PDE4B: variants seen among roughly 807,000 people sequenced by gnomAD.
PDE4B encodes phosphodiesterase 4B, also known as 3',5'-cyclic-AMP phosphodiesterase 4B.
PDE4B carries 20 observed loss-of-function variants against 82.2 expected under a neutral mutation model. That is an observed-to-expected ratio of 0.24 (90% CI 0.17 to 0.35). The LOEUF (loss-of-function observed/expected upper bound fraction) is 0.35. PDE4B is among the 10% of genes least tolerant of loss of function. The pLI, the probability that PDE4B is intolerant of heterozygous loss-of-function variation, is 1.00. For synonymous variants in PDE4B, 320 were observed against 318.9 expected, an observed-to-expected ratio of 1.00 and a Z score of -0.04; for missense variants, 655 against 907.2, an observed-to-expected ratio of 0.72 and a Z score of 3.57.
At chr1:66,164,346 C>T (rs1444446832) in intron 3 of PDE4B, among the ~76,000 whole-genome samples, 1 of 151,644 alleles carries the variant, frequency 6.6e-6, no homozygotes, top group Non-Finnish European at 1.5e-5. Context: ...ACCAGCCTGG[C>T]CAACATGGTG....
intron 3 of PDE4B, among the ~76,000 whole-genome samples, chr1:66,213,350 T>G (rs1214280423): frequency 6.6e-6 from 1 of 152,170 alleles, no homozygotes; most frequent in African/African-American, 2.4e-5. Flanking sequence ...AAAATCCTTT[T>G]CAAGATTTAC....
At chr1:66,330,395 G>T (rs1194161439) in intron 7 of PDE4B, among the ~76,000 whole-genome samples, 2 of 152,154 alleles carry the variant, frequency 1.3e-5, no homozygotes, top group Non-Finnish European at 2.9e-5. Flanking sequence ...ACTTCTGCGG[G>T]TATAATTACT....
At chr1:65,795,141 G>A (rs914979583) in intron 1 of PDE4B, among the ~76,000 whole-genome samples, 1 of 152,104 alleles carries the variant, frequency 6.6e-6, no homozygotes, top group African/African-American at 2.4e-5. Flanking sequence ...ACAAATAAAG[G>A]CTTGTTTGAT....
intron 1 of PDE4B, among the ~76,000 whole-genome samples, chr1:65,883,299 T>C (rs6659548): frequency 0.45 from 68,172 of 151,930 alleles, 15,591 homozygotes; most frequent in Non-Finnish European, 0.49. Flanking sequence ...CATGGAATGT[T>C]CTTCCATTTG....
rs542849328 is a variant in PDE4B, at chr1:66,142,272, C to T, written c.282-105188C>T. 5.9e-4 allele frequency among the ~76,000 whole-genome samples: 90 copies of T among 152,118 alleles called. 1 individual carries two copies. The South Asian group carries it at 0.018, about 31-fold the overall frequency. On this transcript the variant is annotated intron_variant, in intron 3 of 16. Transcript: ENST00000341517. ...GGACCTGTATGCTTTAAACCTGTAT[C>T]GTTCATGGGTCAACTTTAATTCTAC...
intron 1 of PDE4B, among the ~76,000 whole-genome samples, chr1:65,850,202 T>G (rs1239881468): frequency 2.0e-5 from 3 of 149,450 alleles, no homozygotes; most frequent in Admixed American, 6.8e-5. Flanking sequence ...GTTCAAGTGA[T>G]TCTCCTGCCT....
chr1:65,838,003 C>G (rs537220150), intron 1 of PDE4B, among the ~76,000 whole-genome samples: 18 of 152,152 alleles, frequency 1.2e-4, no homozygotes, highest in Non-Finnish European at 2.5e-4. Context: ...CTGTAGTGTA[C>G]TTTTGCAGTA....
chr1:66,197,780 C>T (rs1429726134), intron 3 of PDE4B, among the ~76,000 whole-genome samples: 1 of 152,012 alleles, frequency 6.6e-6, no homozygotes, highest in African/African-American at 2.4e-5. Flanking sequence ...TTTAGAATAC[C>T]TAATAATCTG....
intron 3 of PDE4B, among the ~76,000 whole-genome samples, chr1:66,078,944 C>T (rs1028411941): frequency 6.6e-6 from 1 of 152,002 alleles, no homozygotes. Context: ...CCAATCTAAC[C>T]CCCACAATCC....
At chr1:65,830,416 G>A (rs1225107807) in intron 1 of PDE4B, among the ~76,000 whole-genome samples, 2 of 152,026 alleles carry the variant, frequency 1.3e-5, no homozygotes, top group Admixed American at 6.6e-5. Flanking sequence ...AAATAAAGTC[G>A]CTTCACAGTG....
intron 3 of PDE4B, among the ~76,000 whole-genome samples, chr1:66,188,931 G>T (rs186735267): frequency 1.3e-5 from 2 of 152,154 alleles, no homozygotes; most frequent in Admixed American, 1.3e-4. Context: ...TCCTATCCTC[G>T]ATGGACTTTA....
intron 8 of PDE4B, among the ~76,000 whole-genome samples, chr1:66,340,637 G>A (rs548662413): frequency 1.1e-3 from 162 of 152,120 alleles, no homozygotes; most frequent in African/African-American, 3.8e-3. Flanking sequence ...TTACATGGCT[G>A]CCATCCCCTC....
chr1:66,089,199 G>A (rs1644960772), intron 3 of PDE4B, among the ~76,000 whole-genome samples: 2 of 151,992 alleles, frequency 1.3e-5, no homozygotes, highest in African/African-American at 4.8e-5. Context: ...TAATTATACT[G>A]AATTTGCCAA....
At chr1:66,272,779 CTTTT>C (rs869201227) in intron 7 of PDE4B, among the ~76,000 whole-genome samples, 1 of 61,658 alleles carries the variant, frequency 1.6e-5, no homozygotes, top group Non-Finnish European at 2.8e-5. Flanking sequence ...TACTAGAATT[CTTTT>C]TTTTTTTTTT....
intron 3 of PDE4B, among the ~76,000 whole-genome samples, chr1:66,135,611 T>C (rs1249574433): frequency 6.6e-6 from 1 of 152,166 alleles, no homozygotes; most frequent in Admixed American, 6.5e-5. Flanking sequence ...AAATTTAGTT[T>C]GGGGTGCTCA....
intron 3 of PDE4B, among the ~76,000 whole-genome samples, chr1:66,006,836 C>T (rs1391514027): frequency 1.3e-5 from 2 of 152,006 alleles, no homozygotes; most frequent in East Asian, 1.9e-4. Context: ...GTAAGTTTCC[C>T]GAGGCCTCCT....
intron 3 of PDE4B, among the ~76,000 whole-genome samples, chr1:66,014,579 T>C (rs1362977452): frequency 6.6e-6 from 1 of 152,098 alleles, no homozygotes; most frequent in African/African-American, 2.4e-5. Context: ...AAAAAAACCA[T>C]ACAGATTTAA....
At chr1:66,144,655 T>TCA (rs1646236098) in intron 3 of PDE4B, among the ~76,000 whole-genome samples, 1 of 152,210 alleles carries the variant, frequency 6.6e-6, no homozygotes, top group Non-Finnish European at 1.5e-5. Context: ...AACAGGTAAG[T>TCA]ATAATGCAAT....
intron 3 of PDE4B, among the ~76,000 whole-genome samples, chr1:66,163,831 T>TCAGCACCA (rs1233422510): frequency 1.4e-5 from 2 of 146,990 alleles, no homozygotes; most frequent in Non-Finnish European, 3.1e-5. Context: ...TAGAAGATCT[T>TCAGCACCA]CACCTGGTAC....
Sources: gnomAD v4.1 joint callset for allele counts (sites outside exome capture counted in the v4.1 genomes callset) on GRCh38, gnomAD v4.1.1 for gene constraint, MANE v1.5 for transcripts, NCBI Gene and HGNC (gene_info 2026-07-23, HGNC 2026-07-21) for gene names.